Variants in ARHGEF2 observed in about 807,000 individuals in gnomAD.
ARHGEF2 encodes Rho/Rac guanine nucleotide exchange factor 2.
ARHGEF2 carries 22 observed loss-of-function variants against 121.0 expected under a neutral mutation model. The observed-to-expected ratio is 0.18, with a 90% confidence interval of 0.13 to 0.26. The LOEUF (loss-of-function observed/expected upper bound fraction) is 0.26. ARHGEF2 is among the 10% of genes least tolerant of loss of function. The pLI, the probability that ARHGEF2 is intolerant of heterozygous loss-of-function variation, is 1.00. For missense variants in ARHGEF2, 907 were observed against 1,336.0 expected (o/e 0.68, Z 5.01); for synonymous variants, 487 against 530.0 (o/e 0.92, Z 1.11).
Position 155,950,345 on chromosome 1 carries a change from G to C in ARHGEF2, c.2841C>G (p.Ser947Arg). 1 of 1,613,710 alleles carries C rather than the reference G, an allele frequency of 6.2e-7. No homozygotes were observed. Among genetic ancestry groups the C allele is most frequent in the Non-Finnish European group, 8.5e-7 (1 of 1,180,024 alleles). The change falls in exon 21 of 22, where the codon AGC becomes AGG. Residue 947 changes from serine to arginine, a missense_variant. Physicochemically the swap from Ser to Arg is moderately radical, Grantham distance 110 (BLOSUM62 -1). Around this residue, in one of 2 missense-constraint regions of ARHGEF2, gnomAD observed 432 missense variants for 559.5 expected, o/e 0.77. Transcript: ENST00000361247. This position sits in a 1 kb window ranked among gnomAD's most constrained non-coding sequence, Gnocchi z 5.2. Reference sequence around the variant, plus strand: ...ACAGACGGCTGCTACCTTCCTCCTCGCTGCCAGTGTCAGGGTCACTGCTGT... The same window carrying C: ...ACAGACGGCTGCTACCTTCCTCCTCCCTGCCAGTGTCAGGGTCACTGCTGT... The part of the protein sequence containing the change: ...LQDSSDPDTG[S>R]EEEGSSRLSP...
chr1:155,972,758 T>C (rs1680693583), intron 1 of ARHGEF2, among the ~76,000 whole-genome samples: 1 of 151,536 alleles, frequency 6.6e-6, no homozygotes, highest in South Asian at 2.1e-4. Flanking sequence ...CTGGAGTACA[T>C]TGGCATGATC....
intron 11 of ARHGEF2, among the ~76,000 whole-genome samples, chr1:155,958,983 G>A (rs1199824562): frequency 6.6e-6 from 1 of 152,024 alleles, no homozygotes; most frequent in African/African-American, 2.4e-5. Context: ...GGGCTAGCAG[G>A]AACCACAGGG....
Position 155,978,213 on chromosome 1 carries a change from C to T in ARHGEF2, c.63+152G>A. 1.5e-6 allele frequency: 2 copies of T among 1,306,776 alleles called. No homozygotes were observed. The highest frequency in any genetic ancestry group is 2.0e-6 in the Non-Finnish European group (2 of 1,014,530). The allele number at this position is 1,306,776 out of a possible 1,614,324, so 80.9% of individuals were successfully genotyped here. On this transcript the variant is annotated intron_variant, in intron 1 of 21. Coordinates refer to ENST00000361247, the MANE Select transcript of ARHGEF2 (RefSeq NM_001162383.2). The surrounding 1 kb of genome is among the most constrained non-coding windows in gnomAD (Gnocchi z 4.1). ...ACCCCTACCCACTCGCTCGCAGTCC[C>T]CACCCACCCCGTCCCGCCGCTCGCC...
intron 7 of ARHGEF2, 36 bp downstream of exon 7, chr1:155,964,952 T>A: frequency 1.3e-6 from 2 of 1,583,190 alleles, no homozygotes; most frequent in South Asian, 1.1e-5. Flanking sequence ...CAGGACCTGG[T>A]GAAGGAAGAG....
Position 155,978,463 on chromosome 1 carries a change from AC to A in ARHGEF2, c.-37del, listed in dbSNP as rs1415893106. 1.8e-5 allele frequency: 26 copies of A among 1,422,718 alleles called. No homozygotes were observed. Among genetic ancestry groups the A allele is most frequent in the Admixed American group, 2.5e-5 (1 of 40,018 alleles). 88.1% of individuals were successfully genotyped at this position (1,422,718 alleles called of 1,614,324 possible). ...GGGGACCAGGGAGGACGCGGCGCGG[AC>A]CCCGGCGTCCTGTATTGTTGGGGGA... On this transcript the variant is annotated 5_prime_UTR_variant, in exon 1 of 22. Transcript: ENST00000361247. The surrounding 1 kb of genome is among the most constrained non-coding windows in gnomAD (Gnocchi z 4.1).
intron 21 of ARHGEF2, 103 bp from the exon 22 acceptor site, chr1:155,948,118 G>T (rs1018753448): frequency 1.2e-6 from 1 of 853,336 alleles, no homozygotes; most frequent in Non-Finnish European, 1.8e-6. Flanking sequence ...GGGGCTCTGG[G>T]GCTGTGAAGG....
chr1:155,948,838 G>C (rs1289880781), intron 21 of ARHGEF2, among the ~76,000 whole-genome samples: 1 of 152,090 alleles, frequency 6.6e-6, no homozygotes, highest in East Asian at 1.9e-4. Context: ...GCCCAGGCTG[G>C]AGCAATCACG....
chr1:155,974,720 C>T (rs528377528), intron 1 of ARHGEF2, among the ~76,000 whole-genome samples: 6 of 152,096 alleles, frequency 3.9e-5, no homozygotes, highest in East Asian at 1.9e-4. Context: ...ACGGGTGAAA[C>T]GGAAGAGGAT....
At position 155,965,613 on chromosome 1, in the gene ARHGEF2, C is replaced by T. The variant is rs779812233; in HGVS notation, c.470+18G>A. 3.1e-6 allele frequency: 5 copies of T among 1,612,480 alleles called. No homozygotes were observed. The South Asian group carries it at 5.5e-5, about 18-fold the overall frequency. ...TGCCACACTCTCTGGCTGCCCCTTT[C>T]CCCAAACAGAGGCTCACCCAGCAAT... On this transcript the variant is annotated intron_variant, in intron 5 of 21. Transcript: ENST00000361247. This position sits in a 1 kb window ranked among gnomAD's most constrained non-coding sequence, Gnocchi z 6.0.
intron 1 of ARHGEF2, among the ~76,000 whole-genome samples, chr1:155,974,676 GA>G (rs1681016175): frequency 1.3e-5 from 2 of 152,162 alleles, no homozygotes; most frequent in Non-Finnish European, 2.9e-5. Context: ...CTTGCTTAGT[GA>G]ATGAAGATGA....
chr1:155,963,211 T>C (rs35730001), intron 7 of ARHGEF2, 28 bp from the exon 8 acceptor site: 110,968 of 1,597,210 alleles, frequency 0.069, 4,425 homozygotes, highest in Middle Eastern at 0.14. Flanking sequence ...ACATTTGGCC[T>C]CTACCCTGGC....
At chr1:155,976,425 A>C (rs1572209718) in intron 1 of ARHGEF2, among the ~76,000 whole-genome samples, 9 of 125,902 alleles carry the variant, frequency 7.1e-5, no homozygotes, top group African/African-American at 9.3e-5. Flanking sequence ...TCAGCCCCCG[A>C]CTCCCTGCTG....
At chr1:155,964,176 A>ACG (rs1678766040) in intron 7 of ARHGEF2, among the ~76,000 whole-genome samples, 1 of 95,478 alleles carries the variant, frequency 1.0e-5, no homozygotes, top group Non-Finnish European at 1.9e-5. Context: ...AAATATATAT[A>ACG]TATATATATA....
At position 155,966,438 on chromosome 1, in the gene ARHGEF2, C is replaced by T. The variant is rs1395341330; in HGVS notation, c.318G>A (p.Gln106=). The T allele has an allele frequency of 6.2e-7, 1 of 1,614,052 alleles. No individual in the cohort carries two copies. Among genetic ancestry groups the T allele is most frequent in the African/African-American group, 1.3e-5 (1 of 74,912 alleles). The stretch of plus-strand genomic sequence containing the variant: ...CACTCTTACTTCGAAGAGAAACGGA[C>T]TGCAAGGCGGTGTTGTTCTTCAGCA... ...AALLKNNTAL[Q]SVSLRSKTTI... Residue 106 remains glutamine (Q), a synonymous_variant, in exon 4 of 22, where the codon CAG becomes CAA. Transcript: ENST00000361247.
At chr1:155,958,744 A>G (rs776020048) in intron 11 of ARHGEF2, among the ~76,000 whole-genome samples, 1 of 150,854 alleles carries the variant, frequency 6.6e-6, no homozygotes, top group Non-Finnish European at 1.5e-5. Flanking sequence ...ATGCCCGGCT[A>G]ATTTTGTATT....
Position 155,961,602 on chromosome 1 carries a change from G to A in ARHGEF2, c.1468+59C>T, listed in dbSNP as rs1677939037. The A allele has an allele frequency of 3.2e-6, 5 of 1,571,454 alleles. No individual in the cohort carries two copies. The highest frequency in any genetic ancestry group is 3.4e-6 in the Non-Finnish European group (4 of 1,160,702). On this transcript the variant is annotated intron_variant, in intron 11 of 21. Transcript: ENST00000361247. The surrounding 1 kb of genome is among the most constrained non-coding windows in gnomAD (Gnocchi z 4.7). The stretch of plus-strand genomic sequence containing the variant: ...GAGAGGTTGATTCTAAGACCTGCAG[G>A]CATCTCCCACTCTCCATCTGACTTT...
At position 155,947,927 on chromosome 1, in the gene ARHGEF2, G is replaced by C. The variant is rs567520599; in HGVS notation, c.*15C>G. 101 of 1,538,850 alleles carry C rather than the reference G, an allele frequency of 6.6e-5. No homozygotes were observed. The highest frequency in any genetic ancestry group is 5.6e-4 in the South Asian group (47 of 83,572). ...TGTTCTTCAGTGGGGCACGGGGCAG[G>C]GGGGAGGGGCCCCCTTAGCTCTCGG... On this transcript the variant is annotated 3_prime_UTR_variant, in exon 22 of 22. Transcript: ENST00000361247.
Position 155,947,841 on chromosome 1 carries a change from T to C in ARHGEF2, c.*101A>G. Reference sequence around the variant, plus strand: ...AGAGCTGGCAAGGACAATTTGCAGTTCTTTCAAATGTTCCCTCATCATTGG... The same window carrying C: ...AGAGCTGGCAAGGACAATTTGCAGTCCTTTCAAATGTTCCCTCATCATTGG... On this transcript the variant is annotated 3_prime_UTR_variant, in exon 22 of 22. Coordinates refer to ENST00000361247, the MANE Select transcript of ARHGEF2 (RefSeq NM_001162383.2). 1 of 678,578 alleles carries C rather than the reference T, an allele frequency of 1.5e-6. No homozygotes were observed. Among genetic ancestry groups the C allele is most frequent in the Non-Finnish European group, 2.5e-6 (1 of 398,668 alleles). 42.0% of individuals were successfully genotyped at this position (678,578 alleles called of 1,614,324 possible). A position where few individuals can be genotyped will look rare whatever the true frequency, so the allele number is the denominator to read the frequency against.
chr1:155,978,691 A>G, upstream of ARHGEF2: 1 of 951,862 alleles, frequency 1.1e-6, no homozygotes, highest in African/African-American at 1.7e-5. The surrounding 1 kb of genome is among the most constrained non-coding windows in gnomAD (Gnocchi z 4.1). Context: ...GGCAGCTCGG[A>G]GAGGTACGAG....
Sources: allele counts gnomAD v4.1 joint callset (sites outside exome capture counted in the v4.1 genomes callset), GRCh38; gene constraint gnomAD v4.1.1; regional missense constraint gnomAD v4.1.1; non-coding constraint Gnocchi (gnomAD v3.1); transcripts MANE v1.5; gene names NCBI Gene and HGNC (gene_info 2026-07-23, HGNC 2026-07-21).